KANSL1L: variants seen among roughly 807,000 people sequenced by gnomAD.
The protein encoded by KANSL1L is KAT8 regulatory NSL complex subunit 1 like, also known as KAT8 regulatory NSL complex subunit 1-like protein.
In KANSL1L, 25 loss-of-function variants were observed where a neutral mutation model predicts 108.6. That is an observed-to-expected ratio of 0.23 (90% CI 0.17 to 0.32). The LOEUF (loss-of-function observed/expected upper bound fraction) is 0.32. Ranked by LOEUF, KANSL1L falls within the 10% of genes least tolerant of loss-of-function variation. The pLI is 1.00. For missense variants in KANSL1L, 1,137 were observed against 1,125.7 expected (o/e 1.01, Z -0.14); for synonymous variants, 405 against 395.1 (o/e 1.03, Z -0.30).
intron 5 of KANSL1L, among the ~76,000 whole-genome samples, chr2:210,080,839 G>A (rs1204356726): frequency 6.6e-6 from 1 of 151,934 alleles, no homozygotes; most frequent in Non-Finnish European, 1.5e-5. Context: ...GGGCATGGTG[G>A]CTCATGCCTG....
intron 2 of KANSL1L, among the ~76,000 whole-genome samples, chr2:210,148,085 A>C (rs1254091039): frequency 6.6e-6 from 1 of 152,224 alleles, no homozygotes. Context: ...TACATATCTA[A>C]GTAAAAACTT....
chr2:210,125,348 C>A, intron 3 of KANSL1L, among the ~76,000 whole-genome samples: 1 of 151,950 alleles, frequency 6.6e-6, no homozygotes, highest in Non-Finnish European at 1.5e-5. Flanking sequence ...AAAGTAAAGC[C>A]CTGAATCTGA....
chr2:210,110,975 G>T (rs1166286534), intron 3 of KANSL1L, among the ~76,000 whole-genome samples: 1 of 152,168 alleles, frequency 6.6e-6, no homozygotes, highest in African/African-American at 2.4e-5. Context: ...AGCCAGGTGC[G>T]CTGGTGCATT....
chr2:210,032,896 CTT>C lies in KANSL1L; in HGVS notation c.2030-1352_2030-1351del, dbSNP rs995449888. 57 of 152,190 alleles carry C rather than the reference CTT, an allele frequency of 3.7e-4. 3 individuals carry two copies. The highest frequency in any genetic ancestry group is 1.5e-5 in the Non-Finnish European group (1 of 68,030). 9.4% of individuals were successfully genotyped at this position (152,190 alleles called of 1,614,324 possible). A position where few individuals can be genotyped will look rare whatever the true frequency, so the allele number is the denominator to read the frequency against. On this transcript the variant is annotated intron_variant, in intron 8 of 14. Transcript: ENST00000281772. Reference sequence around the variant, plus strand: ...ATTCATGGAATACAGATTAGCAACTCTTTAAAACAGTATTGCCAAGAGAAACA... The same window carrying C: ...ATTCATGGAATACAGATTAGCAACTCTAAAACAGTATTGCCAAGAGAAACA...
At chr2:210,104,044 T>G (rs762151204) in intron 4 of KANSL1L, 60 bp downstream of exon 4, 12 of 1,285,210 alleles carry the variant, frequency 9.3e-6, no homozygotes, top group Middle Eastern at 3.7e-4. Context: ...TTTATTTGAA[T>G]AGTTTACAAA....
At chr2:210,110,113 G>T (rs1023990921) in intron 3 of KANSL1L, among the ~76,000 whole-genome samples, 1 of 152,114 alleles carries the variant, frequency 6.6e-6, no homozygotes, top group Non-Finnish European at 1.5e-5. Flanking sequence ...CATTCTCAAA[G>T]GATATTTCTT....
chr2:210,158,912 A>C (rs2095347679), intron 1 of KANSL1L, among the ~76,000 whole-genome samples: 1 of 152,178 alleles, frequency 6.6e-6, no homozygotes, highest in Non-Finnish European at 1.5e-5. Flanking sequence ...GAATATTCTA[A>C]ACTACCACTT....
chr2:210,142,050 T>C (rs2095234106), intron 2 of KANSL1L, among the ~76,000 whole-genome samples: 1 of 151,958 alleles, frequency 6.6e-6, no homozygotes, highest in Admixed American at 6.6e-5. Context: ...AGAGTAATGC[T>C]GGTCTCATAA....
intron 1 of KANSL1L, among the ~76,000 whole-genome samples, chr2:210,159,187 A>G (rs2095348865): frequency 6.6e-6 from 1 of 152,214 alleles, no homozygotes; most frequent in Non-Finnish European, 1.5e-5. Context: ...AACTCTTTCC[A>G]TGAATTACTG....
chr2:210,131,764 A>C (rs1291637194), intron 2 of KANSL1L, among the ~76,000 whole-genome samples: 2 of 146,386 alleles, frequency 1.4e-5, no homozygotes, highest in South Asian at 2.1e-4. Context: ...CAGCGGTGCG[A>C]TCTCTCCTCA....
At chr2:210,102,348 A>G (rs989551871) in intron 4 of KANSL1L, among the ~76,000 whole-genome samples, 1 of 152,184 alleles carries the variant, frequency 6.6e-6, no homozygotes, top group Non-Finnish European at 1.5e-5. Flanking sequence ...TATTAGACCT[A>G]AAACCATAAA....
intron 5 of KANSL1L, among the ~76,000 whole-genome samples, chr2:210,086,491 T>TAAAAA (rs57685611): frequency 3.5e-5 from 5 of 141,106 alleles, no homozygotes; most frequent in African/African-American, 2.7e-5. Context: ...TTAATAAAGC[T>TAAAAA]AAAAAAAAAA....
chr2:210,023,244 G>A, intron 14 of KANSL1L, 65 bp from the exon 15 acceptor site: 1 of 1,117,994 alleles, frequency 8.9e-7, no homozygotes, highest in Admixed American at 1.8e-5. Flanking sequence ...CATCTAACAA[G>A]TAATCTGTAC....
intron 6 of KANSL1L, among the ~76,000 whole-genome samples, chr2:210,069,625 G>A (rs956231634): frequency 1.3e-5 from 2 of 151,922 alleles, no homozygotes; most frequent in Admixed American, 6.6e-5. Context: ...TTGATGTGTT[G>A]GCAGGGCTAC....
At chr2:210,078,820 TA>T (rs1575486356) in intron 5 of KANSL1L, among the ~76,000 whole-genome samples, 1 of 152,204 alleles carries the variant, frequency 6.6e-6, no homozygotes, top group East Asian at 1.9e-4. Context: ...ATGATTCAGG[TA>T]ATTAAGTATT....
intron 3 of KANSL1L, among the ~76,000 whole-genome samples, chr2:210,105,002 C>T (rs764428268): frequency 7.2e-5 from 11 of 152,140 alleles, no homozygotes; most frequent in African/African-American, 2.4e-4. Flanking sequence ...TCTCTGTACT[C>T]TCTGCCTCCT....
At chr2:210,093,917 T>G (rs2125393982) in intron 5 of KANSL1L, among the ~76,000 whole-genome samples, 1 of 152,316 alleles carries the variant, frequency 6.6e-6, no homozygotes, top group East Asian at 1.9e-4. Flanking sequence ...CAGGCTATAA[T>G]GTAGATAAAT....
intron 8 of KANSL1L, among the ~76,000 whole-genome samples, chr2:210,036,438 T>A (rs1396323739): frequency 6.6e-6 from 1 of 152,094 alleles, no homozygotes; most frequent in Non-Finnish European, 1.5e-5. Context: ...TACCTCAGCC[T>A]CCCAAAGTGC....
At chr2:210,034,306 T>C (rs2094069509) in intron 8 of KANSL1L, among the ~76,000 whole-genome samples, 1 of 152,198 alleles carries the variant, frequency 6.6e-6, no homozygotes, top group African/African-American at 2.4e-5. Flanking sequence ...GTAAGAGCTC[T>C]AGGAAAGGCT....
Sources: allele counts gnomAD v4.1 joint callset (sites outside exome capture counted in the v4.1 genomes callset), GRCh38; gene constraint gnomAD v4.1.1; transcripts MANE v1.5; gene names NCBI Gene and HGNC (gene_info 2026-07-23, HGNC 2026-07-21).